The following RAP1GAP2 variants were observed in gnomAD, a reference collection of about 807,000 sequenced individuals.
The protein encoded by RAP1GAP2 is rap1 GTPase-activating protein 2.
Under a neutral mutation model 95.0 loss-of-function variants are expected in RAP1GAP2, and 27 were observed. That is an observed-to-expected ratio of 0.28 (90% confidence interval 0.21 to 0.39). The LOEUF (loss-of-function observed/expected upper bound fraction) is 0.39, where lower values mean the gene tolerates loss of function less well. RAP1GAP2 is among the 10% of genes least tolerant of loss of function. The probability of loss-of-function intolerance (pLI) is 1.00; values close to 1 mark genes in which losing one functional copy is unlikely to be tolerated. For missense variants in RAP1GAP2, 771 were observed against 970.0 expected, an observed-to-expected ratio of 0.79 and a Z score of 2.72; for synonymous variants, 373 against 380.9, an observed-to-expected ratio of 0.98 and a Z score of 0.24.
intron 2 of RAP1GAP2, among the ~76,000 whole-genome samples, chr17:2,811,870 C>T (rs892780679): frequency 1.4e-4 from 22 of 152,038 alleles, no homozygotes; most frequent in East Asian, 1.9e-4. Flanking sequence ...TGAGCCACTG[C>T]GCCTGGCCTG....
intron 2 of RAP1GAP2, among the ~76,000 whole-genome samples, chr17:2,813,776 A>G (rs977090505): frequency 6.6e-6 from 1 of 152,070 alleles, no homozygotes; most frequent in Non-Finnish European, 1.5e-5. Context: ...CCGGGCCAAC[A>G]TGGTGAAACC....
rs1597535391 is a variant in RAP1GAP2 at position 2,893,338 on chromosome 17, G to A, written c.81-11946G>A. ...TTACAGGCGTGAGCCACCGCACCCA[G>A]CCCCCTTACTGTTATTTTAATGGGC... On this transcript the variant is annotated intron_variant, in intron 2 of 24. Transcript: ENST00000254695. Among the ~76,000 whole-genome samples the A allele has an allele frequency of 2.0e-5, 3 of 152,132 alleles. No individual in the cohort carries two copies. In the South Asian group the frequency reaches 6.2e-4, roughly 31 times the overall value.
intron 3 of RAP1GAP2, among the ~76,000 whole-genome samples, chr17:2,915,712 T>A (rs2042546470): frequency 6.7e-6 from 1 of 150,322 alleles, no homozygotes; most frequent in Non-Finnish European, 1.5e-5. Flanking sequence ...TTATTTATTT[T>A]TTTTGAGACA....
chr17:2,805,414 G>T (rs2069471789), intron 2 of RAP1GAP2, among the ~76,000 whole-genome samples: 1 of 152,044 alleles, frequency 6.6e-6, no homozygotes. Flanking sequence ...GCAGTGCAGT[G>T]GTGCAATCTC....
intron 2 of RAP1GAP2, among the ~76,000 whole-genome samples, chr17:2,848,498 CTTCT>C (rs2151586617): frequency 2.4e-5 from 2 of 83,916 alleles, no homozygotes; most frequent in East Asian, 5.9e-4. Context: ...CTCTCTTTTC[CTTCT>C]TTTTTTTTTT....
rs556111712 is a variant in RAP1GAP2 at position 2,976,456 on chromosome 17, A to G, written c.597-3831A>G. On this transcript the variant is annotated intron_variant, in intron 8 of 24. Transcript: ENST00000254695. ...AAGTTAAAAACTTTAAAAAATGACT[A>G]ATGGACTAAAGAGGAAATCACAAAA... is the stretch of plus-strand genomic sequence containing the variant. 5.9e-5 allele frequency among the ~76,000 whole-genome samples: 9 copies of G among 152,346 alleles called. No individual in the cohort carries two copies. In the East Asian group the frequency reaches 1.2e-3, roughly 20 times the overall value.
chr17:3,002,344 G>A (rs894592199), intron 14 of RAP1GAP2, among the ~76,000 whole-genome samples: 21 of 152,212 alleles, frequency 1.4e-4, no homozygotes, highest in Non-Finnish European at 3.1e-4. Flanking sequence ...GCTTCCCGGA[G>A]GAGCAGGCTG....
intron 2 of RAP1GAP2, among the ~76,000 whole-genome samples, chr17:2,810,522 CTTTTT>C (rs1169922962): frequency 1.6e-4 from 11 of 69,434 alleles, no homozygotes; most frequent in African/African-American, 5.3e-4. Flanking sequence ...TCCCCCCACC[CTTTTT>C]TTTTTTTTTT....
chr17:3,020,418 A>AG (rs2046918709), intron 18 of RAP1GAP2, 59 bp from the exon 19 acceptor site: 2 of 1,355,632 alleles, frequency 1.5e-6, no homozygotes, highest in Admixed American at 1.8e-5. Flanking sequence ...GAGGAGGATG[A>AG]GGGGATAGGA....
At chr17:2,799,819 A>G (rs1014952394) in intron 1 of RAP1GAP2, among the ~76,000 whole-genome samples, 1 of 152,158 alleles carries the variant, frequency 6.6e-6, no homozygotes, top group African/African-American at 2.4e-5. Flanking sequence ...GGGCTGGCAT[A>G]TGCAGGGGGG....
chr17:2,984,846 C>T (rs2045499937), intron 10 of RAP1GAP2, 137 bp from the exon 11 acceptor site: 5 of 1,447,088 alleles, frequency 3.5e-6, no homozygotes, highest in Admixed American at 4.6e-5. Context: ...TTCTCTCTCT[C>T]TCCCTCCGTG....
chr17:2,969,388 A>C (rs2044755306), intron 8 of RAP1GAP2, among the ~76,000 whole-genome samples: 3 of 151,884 alleles, frequency 2.0e-5, no homozygotes, highest in South Asian at 2.1e-4. Context: ...CCCAACAAAC[A>C]AAAACCAAAA....
At chr17:2,944,782 T>C (rs2043644182) in intron 3 of RAP1GAP2, among the ~76,000 whole-genome samples, 1 of 152,218 alleles carries the variant, frequency 6.6e-6, no homozygotes, top group African/African-American at 2.4e-5. Flanking sequence ...GTTCCATTTA[T>C]TTATGTCTTC....
chr17:2,863,778 C>T (rs768320017), intron 2 of RAP1GAP2, among the ~76,000 whole-genome samples: 26 of 152,042 alleles, frequency 1.7e-4, no homozygotes, highest in Admixed American at 9.8e-4. Flanking sequence ...GAGGTAGGGC[C>T]GGGCACGGTG....
chr17:3,018,580 A>G (rs1402896222), intron 18 of RAP1GAP2, among the ~76,000 whole-genome samples: 1 of 152,110 alleles, frequency 6.6e-6, no homozygotes. Flanking sequence ...GTTATTATTA[A>G]TGGCAGCAGT....
At chr17:2,967,843 G>A (rs552656672) in intron 8 of RAP1GAP2, among the ~76,000 whole-genome samples, 3 of 152,186 alleles carry the variant, frequency 2.0e-5, no homozygotes, top group African/African-American at 4.8e-5. Context: ...ATTTTTTAAC[G>A]GATGTCCCAA....
intron 8 of RAP1GAP2, among the ~76,000 whole-genome samples, chr17:2,977,767 A>G (rs1312510413): frequency 6.6e-6 from 1 of 151,438 alleles, no homozygotes; most frequent in African/African-American, 2.4e-5. Flanking sequence ...AAAAAAAAAA[A>G]AAAAAGATGA....
At chr17:2,942,809 C>T (rs1415027830) in intron 3 of RAP1GAP2, among the ~76,000 whole-genome samples, 1 of 151,956 alleles carries the variant, frequency 6.6e-6, no homozygotes, top group Non-Finnish European at 1.5e-5. Context: ...GCTCTGTCAC[C>T]CAGGCTGGAG....
At position 2,838,296 on chromosome 17, in the gene RAP1GAP2, G is replaced by T. The variant is rs1230638764; in HGVS notation, c.80+37746G>T. On this transcript the variant is annotated intron_variant, in intron 2 of 24. Transcript: ENST00000254695. ...GCCTCCCAAAGTGCTGGGATTACAG[G>T]TGTGAGCCACGGCGCCCGGCCTTGT... 2.6e-5 allele frequency among the ~76,000 whole-genome samples: 4 copies of T among 152,242 alleles called. No individual in the cohort carries two copies. The South Asian group carries it at 8.3e-4, about 32-fold the overall frequency.
Sources: allele counts gnomAD v4.1 joint callset (sites outside exome capture counted in the v4.1 genomes callset), GRCh38; gene constraint gnomAD v4.1.1; transcripts MANE v1.5; gene names NCBI Gene and HGNC (gene_info 2026-07-23, HGNC 2026-07-21).